Variants in PDE1A observed in about 807,000 individuals in gnomAD.
The protein encoded by PDE1A is phosphodiesterase 1A.
In PDE1A, 35 loss-of-function variants were observed where a neutral mutation model predicts 61.7. That is an observed-to-expected ratio of 0.57 (90% CI 0.43 to 0.75). The LOEUF is 0.75. PDE1A is among the 30% of genes least tolerant of loss of function. The pLI is 0.00. For synonymous variants in PDE1A, 232 were observed against 213.2 expected (o/e 1.09, Z -0.77); for missense variants, 597 against 630.6 (o/e 0.95, Z 0.57).
chr2:182,304,899 T>C (rs1419412912), intron 1 of PDE1A, among the ~76,000 whole-genome samples: 1 of 152,188 alleles, frequency 6.6e-6, no homozygotes, highest in East Asian at 1.9e-4. Flanking sequence ...GCATATGCTA[T>C]TGGAAAAAAT....
intron 1 of PDE1A, among the ~76,000 whole-genome samples, chr2:182,329,636 T>C (rs1697273121): frequency 6.6e-6 from 1 of 152,034 alleles, no homozygotes; most frequent in Non-Finnish European, 1.5e-5. Flanking sequence ...GGTGATCCAC[T>C]GGCCTCAGCC....
chr2:182,500,574 G>A (rs558816466), intron 2 of PDE1A, among the ~76,000 whole-genome samples: 1 of 152,134 alleles, frequency 6.6e-6, no homozygotes, highest in Non-Finnish European at 1.5e-5. Flanking sequence ...ATTACTTTGG[G>A]ATAAGCAGCC....
At position 182,274,749 on chromosome 2, in the gene PDE1A, TAA is replaced by T. The variant is rs1269548844; in HGVS notation, c.54-10337_54-10336del. Among the ~76,000 whole-genome samples, 16 of 152,232 alleles carry T rather than the reference TAA, an allele frequency of 1.1e-4. No homozygotes were observed. The East Asian group carries it at 3.1e-3, about 29-fold the overall frequency. ...GAATACCTAAGTTTCAAGAAAAAAC[TAA>T]AGTTGAATGACAAAAAACTCATATT... On this transcript the variant is annotated intron_variant, in intron 1 of 13. Transcript: ENST00000351439.
the PDE1A span, among the ~76,000 whole-genome samples, chr2:182,553,210 A>G: frequency 1.3e-5 from 2 of 152,220 alleles, no homozygotes; most frequent in Admixed American, 6.5e-5. Context: ...AGGTCAGAGA[A>G]CACGAGGCTT....
chr2:182,188,913 C>G (rs946774217), intron 11 of PDE1A, 66 bp downstream of exon 11: 3 of 1,023,622 alleles, frequency 2.9e-6, no homozygotes, highest in African/African-American at 1.6e-5. Flanking sequence ...TGAACAACAT[C>G]GTTTACCCAT....
chr2:182,253,178 G>A (rs1691525754), intron 2 of PDE1A, among the ~76,000 whole-genome samples: 1 of 152,170 alleles, frequency 6.6e-6, no homozygotes, highest in Non-Finnish European at 1.5e-5. Flanking sequence ...TCCTGGGAAG[G>A]ATTAGAGATG....
intron 13 of PDE1A, among the ~76,000 whole-genome samples, chr2:182,155,018 C>A (rs1690993133): frequency 6.9e-6 from 1 of 143,934 alleles, no homozygotes; most frequent in Admixed American, 7.0e-5. Flanking sequence ...TATAATTTTT[C>A]ATTGTTCTCT....
At chr2:182,557,305 A>G in the PDE1A span, among the ~76,000 whole-genome samples, 1 of 152,200 alleles carries the variant, frequency 6.6e-6, no homozygotes, top group Admixed American at 6.5e-5. Context: ...AGATCATTAA[A>G]AATTCTAGTG....
the PDE1A span, among the ~76,000 whole-genome samples, chr2:182,645,395 T>C: frequency 3.3e-5 from 5 of 152,240 alleles, no homozygotes; most frequent in African/African-American, 9.6e-5. Flanking sequence ...TTGTCACTTA[T>C]TATAAAATCA....
At chr2:182,595,184 G>C in the PDE1A span, among the ~76,000 whole-genome samples, 1 of 152,020 alleles carries the variant, frequency 6.6e-6, no homozygotes, top group South Asian at 2.1e-4. Flanking sequence ...ATTTAAGCAA[G>C]GCCTGAAGCT....
At chr2:182,378,244 CATA>C (rs147638533) in intron 1 of PDE1A, among the ~76,000 whole-genome samples, 1 of 152,264 alleles carries the variant, frequency 6.6e-6, no homozygotes, top group Non-Finnish European at 1.5e-5. Context: ...CAAAAGTTTG[CATA>C]ATGAGTCATT....
chr2:182,380,106 CTTTTTTTTTTT>C (rs1226939777), intron 1 of PDE1A, among the ~76,000 whole-genome samples: 4 of 103,856 alleles, frequency 3.9e-5, no homozygotes, highest in African/African-American at 1.1e-4. Context: ...CCCAGCTCCT[CTTTTTTTTTTT>C]TTTTTTTTTT....
chr2:182,539,145 T>G, the PDE1A span, among the ~76,000 whole-genome samples: 1 of 152,192 alleles, frequency 6.6e-6, no homozygotes, highest in African/African-American at 2.4e-5. Context: ...CATACAAAAT[T>G]CCTTCCTGAC....
At chr2:182,174,783 T>G (rs573189826) in intron 13 of PDE1A, among the ~76,000 whole-genome samples, 13 of 152,136 alleles carry the variant, frequency 8.5e-5, no homozygotes, top group Middle Eastern at 3.2e-3. Context: ...CTGGGATACA[T>G]GTGCAGAATG....
Position 182,184,524 on chromosome 2 carries a change from T to A in PDE1A, c.1516+1368A>T, listed in dbSNP as rs139388802. On this transcript the variant is annotated intron_variant, in intron 13 of 13. Coordinates refer to ENST00000351439, the Ensembl canonical transcript of PDE1A. ...AAAGTAAGATACAGACATTCCCAGA[T>A]AAAGAAAATCTAATTGTTTGTCAGT... Among the ~76,000 whole-genome samples the A allele has an allele frequency of 6.0e-3, 906 of 152,208 alleles. 6 individuals are homozygous for A. Among genetic ancestry groups the A allele is most frequent in the Non-Finnish European group, 0.01 (711 of 67,968 alleles).
the PDE1A span, among the ~76,000 whole-genome samples, chr2:182,530,363 T>C: frequency 6.6e-6 from 1 of 151,512 alleles, no homozygotes; most frequent in Non-Finnish European, 1.5e-5. Flanking sequence ...GTGGGAAAAC[T>C]CAAAGAAATA....
At chr2:182,146,191 C>T (rs1479356050), downstream of PDE1A, among the ~76,000 whole-genome samples, 1 of 152,138 alleles carries the variant, frequency 6.6e-6, no homozygotes, top group African/African-American at 2.4e-5. Flanking sequence ...AACAGACTGG[C>T]TTATCAAAAA....
chr2:182,659,168 T>C, the PDE1A span, among the ~76,000 whole-genome samples: 1 of 152,202 alleles, frequency 6.6e-6, no homozygotes, highest in South Asian at 2.1e-4. Context: ...AAGCAGAATG[T>C]CTTCATCAAT....
intron 1 of PDE1A, among the ~76,000 whole-genome samples, chr2:182,394,436 A>T (rs1307275276): frequency 6.6e-6 from 1 of 152,146 alleles, no homozygotes; most frequent in East Asian, 1.9e-4. Context: ...AGTCCCTCCC[A>T]TGACATGTGG....
Sources: allele counts gnomAD v4.1 joint callset (sites outside exome capture counted in the v4.1 genomes callset), GRCh38; gene constraint gnomAD v4.1.1; transcripts MANE v1.5; gene names NCBI Gene and HGNC (gene_info 2026-07-23, HGNC 2026-07-21).